ENPP3: variants seen among roughly 807,000 people sequenced by gnomAD.
ENPP3 encodes the protein ectonucleotide pyrophosphatase/phosphodiesterase family member 3.
In ENPP3, 104 loss-of-function variants were observed where a neutral mutation model predicts 117.8. The observed-to-expected ratio is 0.88, with a 90% confidence interval of 0.75 to 1.04. ENPP3 has a LOEUF of 1.04. ENPP3 is among the 50% of genes least tolerant of loss of function. The pLI is 0.00. For missense variants in ENPP3, 1,026 were observed against 1,051.9 expected, an observed-to-expected ratio of 0.98 and a Z score of 0.34; for synonymous variants, 380 against 349.9, an observed-to-expected ratio of 1.09 and a Z score of -0.96.
chr6:131,700,659 C>A, intron 15 of ENPP3: 1 of 1,558,556 alleles, frequency 6.4e-7, no homozygotes, highest in Non-Finnish European at 8.6e-7. Flanking sequence ...ATAAACGAGT[C>A]CAATCACACA....
rs1023137133 is a variant in ENPP3 at position 131,747,188 on chromosome 6, G to A, written c.*232G>A. ...TGCTATATTACACCTTCCCTTTTTTGTTGGTTTCTTAAACTCTAATCTCAT... is the reference window on the plus strand; with the variant it reads ...TGCTATATTACACCTTCCCTTTTTTATTGGTTTCTTAAACTCTAATCTCAT... On this transcript the variant is annotated 3_prime_UTR_variant, in exon 25 of 25. Coordinates refer to ENST00000357639, the MANE Select transcript of ENPP3 (RefSeq NM_005021.5). The A allele has an allele frequency of 1.5e-5, 4 of 269,208 alleles. No homozygotes were observed. The highest frequency in any genetic ancestry group is 8.9e-5 in the African/African-American group (4 of 44,788). The allele number at this position is 269,208 out of a possible 1,614,324, so 16.7% of individuals were successfully genotyped here.
At chr6:131,688,922 C>T (rs1779215736) in intron 14 of ENPP3, among the ~76,000 whole-genome samples, 1 of 149,462 alleles carries the variant, frequency 6.7e-6, no homozygotes, top group East Asian at 2.0e-4. Context: ...AAAAAATAGC[C>T]AGGCGTGGTT....
In ENPP3 at chr6:131,740,257, A is replaced by T. The variant is rs749483454; in HGVS notation, c.2334A>T (p.Thr778=). ...CCAACACTGATGTTCCCATCCCAAC[A>T]CACTACTTTGTGGTGCTGACCAGTT... ...HLANTDVPIP[T]HYFVVLTSCK... is the part of the protein sequence containing the mutation. The change falls in exon 24 of 25, where the codon ACA becomes ACT. Residue 778 remains threonine, a synonymous_variant. Coordinates refer to ENST00000357639, the MANE Select transcript of ENPP3 (RefSeq NM_005021.5). 18 of 1,609,766 alleles carry T rather than the reference A, an allele frequency of 1.1e-5. No homozygotes were observed. The highest frequency in any genetic ancestry group is 1.5e-5 in the Non-Finnish European group (18 of 1,177,886).
At chr6:131,733,749 G>A (rs770183686) in intron 21 of ENPP3, 26 bp downstream of exon 21, 6 of 1,610,530 alleles carry the variant, frequency 3.7e-6, no homozygotes, top group Non-Finnish European at 5.1e-6. Context: ...TTTTAGAGCA[G>A]TAGCTTAGAA....
At chr6:131,676,861 GTTT>G in intron 10 of ENPP3, 60 bp downstream of exon 10, 7 of 864,952 alleles carry the variant, frequency 8.1e-6, no homozygotes, top group East Asian at 2.8e-5. Context: ...AAAAAATGAA[GTTT>G]TTTTTTTTTT....
intron 11 of ENPP3, 116 bp from the exon 12 acceptor site, chr6:131,682,938 T>C (rs1340185448): frequency 2.8e-6 from 2 of 705,628 alleles, no homozygotes; most frequent in Non-Finnish European, 5.1e-6. Flanking sequence ...TGAGGTTCTG[T>C]TTCAAAACCA....
chr6:131,695,736 A>C (rs1190543427), intron 15 of ENPP3, among the ~76,000 whole-genome samples: 1 of 151,966 alleles, frequency 6.6e-6, no homozygotes, highest in Non-Finnish European at 1.5e-5. Flanking sequence ...CAACATGGTG[A>C]AACCCCATCT....
intron 20 of ENPP3, among the ~76,000 whole-genome samples, chr6:131,730,641 C>T (rs9493084): frequency 0.11 from 16,798 of 152,194 alleles, 1,323 homozygotes; most frequent in East Asian, 0.33. Flanking sequence ...ACAGGTCAAG[C>T]GCAGTGGCTC....
In ENPP3 at chr6:131,641,799, G is replaced by GTTTTTTTTTTTTTTTTTT. The variant is rs540011427; in HGVS notation, c.154+276_154+293dup. On this transcript the variant is annotated intron_variant, in intron 2 of 24. Transcript: ENST00000357639. The stretch of plus-strand genomic sequence containing the variant: ...TTTTCTCTTACCTTTCTCCACCCTG[G>GTTTTTTTTTTTTTTTTTT]TTTTTTTTTTTTTTTTTTTTTTTTG... 1.4e-4 allele frequency among the ~76,000 whole-genome samples: 9 copies of GTTTTTTTTTTTTTTTTTT among 64,062 alleles called. 1 individual carries two copies. The highest frequency in any genetic ancestry group is 3.7e-4 in the African/African-American group (5 of 13,512). The allele number at this position is 64,062 out of a possible 152,430, so 42.0% of individuals were successfully genotyped here. A position where few individuals can be genotyped will look rare whatever the true frequency, so the allele number is the denominator to read the frequency against.
In ENPP3 at chr6:131,718,687, A is replaced by T. The variant is rs1779949733; in HGVS notation, c.1428A>T (p.Thr476=). Residue 476 remains threonine (T), a synonymous_variant, in exon 16 of 25, where the codon ACA becomes ACT. Transcript: ENST00000357639. ...TTCTTTATAGGAGTAAATCAAATAC[A>T]AATTGTGGAGGAGGCAACCATGGTT... is the stretch of plus-strand genomic sequence containing the variant. The part of the protein sequence containing the change: ...QWLAVRSKSN[T]NCGGGNHGYN... The T allele has an allele frequency of 1.9e-6, 3 of 1,597,646 alleles. No individual in the cohort carries two copies. Among genetic ancestry groups the T allele is most frequent in the Non-Finnish European group, 2.6e-6 (3 of 1,166,666 alleles).
At chr6:131,643,165 A>G (rs144809885) in intron 2 of ENPP3, among the ~76,000 whole-genome samples, 1 of 152,322 alleles carries the variant, frequency 6.6e-6, no homozygotes, top group East Asian at 1.9e-4. Flanking sequence ...CTGGAAGATT[A>G]CTATCTTCTC....
intron 20 of ENPP3, among the ~76,000 whole-genome samples, chr6:131,730,297 G>C (rs933942479): frequency 1.3e-5 from 2 of 152,080 alleles, no homozygotes; most frequent in South Asian, 4.1e-4. Context: ...ATACCAAGTG[G>C]AGAAACCTGG....
At chr6:131,650,605 G>C (rs6917569) in intron 3 of ENPP3, among the ~76,000 whole-genome samples, 1,795 of 152,308 alleles carry the variant, frequency 0.012, 35 homozygotes, top group African/African-American at 0.041. Context: ...GGGTGGCTTA[G>C]CCAACAGAAG....
At chr6:131,665,761 A>G (rs532768719) in intron 6 of ENPP3, among the ~76,000 whole-genome samples, 2 of 152,032 alleles carry the variant, frequency 1.3e-5, no homozygotes, top group South Asian at 2.1e-4. Flanking sequence ...TTTCTGCTAA[A>G]CTTGGATTTA....
At position 131,650,086 on chromosome 6, in the gene ENPP3, G is replaced by A. The variant is rs1414240167; in HGVS notation, c.214G>A (p.Asp72Asn). The change falls in exon 3 of 25, where the codon GAT (aspartate) becomes AAT (asparagine). Residue 72 changes from aspartate (D) to asparagine (N), a missense_variant. By Grantham distance (23) the Asp-to-Asn change is conservative (BLOSUM62 1). Transcript: ENST00000357639. ...SFRGLENCRC[D>N]VACKDRGDCC... is the part of the protein sequence containing the mutation. ...TAGAGGACTGGAGAACTGCCGGTGTGATGTGGCATGTAAAGACCGAGGTGA... is the reference window on the plus strand; with the variant it reads ...TAGAGGACTGGAGAACTGCCGGTGTAATGTGGCATGTAAAGACCGAGGTGA... 6.2e-7 allele frequency: 1 copy of A among 1,614,106 alleles called. No individual in the cohort carries two copies. The highest frequency in any genetic ancestry group is 1.7e-5 in the Admixed American group (1 of 60,008).
intron 6 of ENPP3, among the ~76,000 whole-genome samples, chr6:131,670,844 A>G (rs1054351414): frequency 7.2e-5 from 11 of 152,202 alleles, no homozygotes; most frequent in African/African-American, 2.7e-4. Context: ...TATGACACGT[A>G]AAAATTACCT....
At chr6:131,714,167 ACT>A (rs2114508649) in intron 15 of ENPP3, among the ~76,000 whole-genome samples, 1 of 152,138 alleles carries the variant, frequency 6.6e-6, no homozygotes, top group Non-Finnish European at 1.5e-5. Context: ...TATGGTTTCT[ACT>A]GAATGAATAT....
At chr6:131,689,700 G>T (rs1412510696) in intron 14 of ENPP3, among the ~76,000 whole-genome samples, 1 of 152,134 alleles carries the variant, frequency 6.6e-6, no homozygotes, top group African/African-American at 2.4e-5. Flanking sequence ...TATTCTTTAA[G>T]AAATACATTT....
intron 11 of ENPP3, among the ~76,000 whole-genome samples, chr6:131,680,676 A>G (rs1779004873): frequency 1.3e-5 from 2 of 152,206 alleles, no homozygotes; most frequent in Non-Finnish European, 2.9e-5. Context: ...CAGAGTTAAT[A>G]TGACTTATAA....
Sources: gnomAD v4.1 joint callset for allele counts (sites outside exome capture counted in the v4.1 genomes callset) on GRCh38, gnomAD v4.1.1 for gene constraint, MANE v1.5 for transcripts, NCBI Gene and HGNC (gene_info 2026-07-23, HGNC 2026-07-21) for gene names.